PPME1: variants seen among roughly 807,000 people sequenced by gnomAD.
PPME1 encodes testicular secretory protein Li 39.
In PPME1, 17 loss-of-function variants were observed where a neutral mutation model predicts 56.9. That is an observed-to-expected ratio of 0.30 (90% CI 0.20 to 0.45). PPME1 has a LOEUF of 0.45. Among genes scored for constraint, PPME1 ranks in the 20% least tolerant of loss-of-function variants. The pLI is 1.00. For synonymous variants in PPME1, 122 were observed against 156.2 expected (o/e 0.78, Z 1.63); for missense variants, 357 against 483.2 (o/e 0.74, Z 2.45).
intron 1 of PPME1, among the ~76,000 whole-genome samples, chr11:74,177,799 G>A (rs1034034814): frequency 1.3e-5 from 2 of 152,062 alleles, no homozygotes; most frequent in African/African-American, 2.4e-5. Flanking sequence ...AAGAAATATG[G>A]TATCTTTCAA....
At chr11:74,196,086 CAG>C (rs1161907628) in intron 1 of PPME1, among the ~76,000 whole-genome samples, 4 of 152,076 alleles carry the variant, frequency 2.6e-5, no homozygotes, top group Admixed American at 2.0e-4. Flanking sequence ...GAAATTGAGA[CAG>C]ATTAATTTGC....
At chr11:74,177,933 A>T (rs1317765875) in intron 1 of PPME1, among the ~76,000 whole-genome samples, 1 of 152,168 alleles carries the variant, frequency 6.6e-6, no homozygotes, top group African/African-American at 2.4e-5. Flanking sequence ...CAGTAGATTT[A>T]CTCTTTAAAT....
Position 74,210,183 on chromosome 11 carries a change from A to G in PPME1, c.288+5738A>G, listed in dbSNP as rs192541429. On this transcript the variant is annotated intron_variant, in intron 3 of 13. Transcript: ENST00000328257. The stretch of plus-strand genomic sequence containing the variant: ...TGACCAGGTAGGTTTTGTTCAAGGA[A>G]TGCAAGAATGTCTCAGCATTAGAAA... 3.9e-3 allele frequency among the ~76,000 whole-genome samples: 588 copies of G among 152,340 alleles called. 3 individuals are homozygous for G. The highest frequency in any genetic ancestry group is 0.034 in the Middle Eastern group (10 of 294).
Position 74,230,324 on chromosome 11 carries a change from G to T in PPME1, c.478G>T (p.Ala160Ser). The change falls in exon 6 of 14, where the codon GCT becomes TCT. Residue 160 changes from alanine (A) to serine (S), a missense_variant. Ala to Ser is a moderately conservative substitution (Grantham distance 99). This residue lies in a region of PPME1 where 182 missense variants were observed against 293.8 expected (regional missense o/e 0.62). Transcript: ENST00000328257. This position sits in a 1 kb window ranked among gnomAD's most constrained non-coding sequence, Gnocchi z 4.9. ...GCTGATTGGACATAGCATGGGTGGT[G>T]CTATTGCAGTCCACACAGCATCATC... ...IMLIGHSMGG[A>S]IAVHTASSNL... 6.2e-7 allele frequency: 1 copy of T among 1,613,822 alleles called. No individual in the cohort carries two copies. Among genetic ancestry groups the T allele is most frequent in the Non-Finnish European group, 8.5e-7 (1 of 1,179,776 alleles).
At chr11:74,233,188 A>T (rs1859112075) in intron 7 of PPME1, among the ~76,000 whole-genome samples, 1 of 152,112 alleles carries the variant, frequency 6.6e-6, no homozygotes, top group East Asian at 1.9e-4. Flanking sequence ...GATATACCTA[A>T]TGCAGCCTGG....
chr11:74,242,651 T>C (rs1859391368), intron 9 of PPME1, among the ~76,000 whole-genome samples: 1 of 151,730 alleles, frequency 6.6e-6, no homozygotes, highest in South Asian at 2.1e-4. Context: ...GAGGCCGAGG[T>C]GGGTGGATCA....
intron 3 of PPME1, among the ~76,000 whole-genome samples, chr11:74,206,400 T>C (rs1858327479): frequency 6.6e-6 from 1 of 152,196 alleles, no homozygotes; most frequent in Admixed American, 6.5e-5. Context: ...AAAGGTCATA[T>C]TCACTTCTGG....
Position 74,171,492 on chromosome 11 carries a change from G to C in PPME1, c.71G>C (p.Gly24Ala), listed in dbSNP as rs762979115. ...CGCCCACCTCTACCCGGCAGCGGGG[G>C]CAGTCAGAGCGGAGCCAAGATGCGA... ...PSRPPLPGSG[G>A]SQSGAKMRMG... is the part of the protein sequence containing the mutation. The change falls in exon 1 of 14, where the codon GGC becomes GCC. Residue 24 changes from glycine to alanine, a missense_variant. Coordinates refer to ENST00000328257, the MANE Select transcript of PPME1 (RefSeq NM_016147.3). The C allele has an allele frequency of 6.2e-7, 1 of 1,613,302 alleles. No homozygotes were observed. Among genetic ancestry groups the C allele is most frequent in the South Asian group, 1.1e-5 (1 of 90,912 alleles).
At chr11:74,236,921 TTGTC>T (rs1859204280) in intron 8 of PPME1, among the ~76,000 whole-genome samples, 1 of 152,228 alleles carries the variant, frequency 6.6e-6, no homozygotes. Flanking sequence ...ACATTTCTGA[TTGTC>T]TCATAAATAA....
At chr11:74,220,248 A>G (rs1858762255) in intron 3 of PPME1, among the ~76,000 whole-genome samples, 2 of 152,146 alleles carry the variant, frequency 1.3e-5, no homozygotes, top group Non-Finnish European at 2.9e-5. Flanking sequence ...ATAATATGAG[A>G]TTATCTGAGA....
chr11:74,231,139 C>G, intron 7 of PPME1, 137 bp downstream of exon 7: 1 of 687,816 alleles, frequency 1.5e-6, no homozygotes, highest in East Asian at 2.9e-5. Context: ...CTCACTGCAA[C>G]CTTGAACTCC....
At chr11:74,217,122 GCTAGTTA>G (rs1320387329) in intron 3 of PPME1, among the ~76,000 whole-genome samples, 1 of 152,096 alleles carries the variant, frequency 6.6e-6, no homozygotes, top group Non-Finnish European at 1.5e-5. Flanking sequence ...CTTCTACGAG[GCTAGTTA>G]CCCTAATACC....
intron 8 of PPME1, among the ~76,000 whole-genome samples, chr11:74,236,334 G>C (rs1005594367): frequency 1.3e-5 from 2 of 152,124 alleles, no homozygotes; most frequent in Admixed American, 6.5e-5. Context: ...GGCTGTGAGG[G>C]AATTATAATA....
intron 9 of PPME1, among the ~76,000 whole-genome samples, chr11:74,243,803 G>A (rs1274394259): frequency 7.3e-6 from 1 of 136,476 alleles, no homozygotes; most frequent in Non-Finnish European, 1.6e-5. Context: ...TTTTTACTGT[G>A]ATAAAAAACA....
At chr11:74,176,855 C>G (rs1857412485) in intron 1 of PPME1, among the ~76,000 whole-genome samples, 1 of 151,532 alleles carries the variant, frequency 6.6e-6, no homozygotes, top group Non-Finnish European at 1.5e-5. Context: ...TTCAGCCTCC[C>G]AAGTAGCTGG....
chr11:74,219,133 G>A (rs910135735), intron 3 of PPME1, among the ~76,000 whole-genome samples: 1 of 151,954 alleles, frequency 6.6e-6, no homozygotes, highest in African/African-American at 2.4e-5. Flanking sequence ...ATATGAAAAG[G>A]TGCTCAACAT....
chr11:74,243,141 A>G (rs1859417624), intron 9 of PPME1, among the ~76,000 whole-genome samples: 1 of 152,048 alleles, frequency 6.6e-6, no homozygotes, highest in African/African-American at 2.4e-5. Context: ...TGTTTCTCCC[A>G]CCCAACAACA....
intron 1 of PPME1, among the ~76,000 whole-genome samples, chr11:74,198,457 T>G (rs181482287): frequency 6.6e-6 from 1 of 152,278 alleles, no homozygotes; most frequent in Non-Finnish European, 1.5e-5. Context: ...CTTCATTTTC[T>G]TTTCTTGTTT....
chr11:74,227,353 A>G (rs569608057), intron 5 of PPME1, among the ~76,000 whole-genome samples: 401 of 151,096 alleles, frequency 2.7e-3, no homozygotes, highest in Non-Finnish European at 4.2e-3. Context: ...AAAATTTTTT[A>G]ATGGTAAAAA....
Sources: allele counts gnomAD v4.1 joint callset (sites outside exome capture counted in the v4.1 genomes callset), GRCh38; gene constraint gnomAD v4.1.1; regional missense constraint gnomAD v4.1.1; non-coding constraint Gnocchi (gnomAD v3.1); transcripts MANE v1.5; gene names NCBI Gene and HGNC (gene_info 2026-07-23, HGNC 2026-07-21).